The following DPP10 variants were observed in gnomAD, a reference collection of about 807,000 sequenced individuals.
DPP10 encodes the protein inactive dipeptidyl peptidase 10.
A neutral mutation model predicts 120.9 loss-of-function variants in DPP10; 33 were observed. The observed-to-expected ratio is 0.27, with a 90% CI of 0.21 to 0.37. The LOEUF (loss-of-function observed/expected upper bound fraction) is 0.37, where lower values mean the gene tolerates loss of function less well. DPP10 is among the 10% of genes least tolerant of loss of function. The pLI, the probability that DPP10 is intolerant of heterozygous loss-of-function variation, is 1.00. For synonymous variants in DPP10, 337 were observed against 326.1 expected, an observed-to-expected ratio of 1.03 and a Z score of -0.36; for missense variants, 816 against 942.8, an observed-to-expected ratio of 0.87 and a Z score of 1.76.
At chr2:114,597,080 C>G (rs1432878880) in intron 1 of DPP10, among the ~76,000 whole-genome samples, 1 of 151,966 alleles carries the variant, frequency 6.6e-6, no homozygotes, top group African/African-American at 2.4e-5. Flanking sequence ...AAAGGTGGCT[C>G]AGATCAGAGA....
At chr2:115,556,547 C>T (rs568625021) in intron 5 of DPP10, among the ~76,000 whole-genome samples, 1 of 152,088 alleles carries the variant, frequency 6.6e-6, no homozygotes, top group Admixed American at 6.6e-5. Context: ...TTGACAGCAA[C>T]ATCAGAATCC....
In DPP10 at chr2:115,385,641, A is replaced by G. The variant is rs2106511700; in HGVS notation, c.271+41729A>G. ...CAAAGTGCTGGGATTATAAGCATGA[A>G]CCACCACGCCCAGCCTGTTTAATCA... On this transcript the variant is annotated intron_variant, in intron 3 of 25. Coordinates refer to ENST00000410059, the MANE Select transcript of DPP10 (RefSeq NM_020868.6). 2.0e-5 allele frequency among the ~76,000 whole-genome samples: 3 copies of G among 152,222 alleles called. No individual in the cohort carries two copies. In the South Asian group the frequency reaches 6.2e-4, roughly 32 times the overall value.
At chr2:115,220,475 G>T (rs182009078) in intron 1 of DPP10, among the ~76,000 whole-genome samples, 1 of 152,264 alleles carries the variant, frequency 6.6e-6, no homozygotes, top group Admixed American at 6.5e-5. Context: ...GGTTTGGGAG[G>T]CTGAGGTGGG....
At chr2:115,798,296 T>C (rs1243877114) in intron 19 of DPP10, among the ~76,000 whole-genome samples, 3 of 152,012 alleles carry the variant, frequency 2.0e-5, no homozygotes, top group Non-Finnish European at 2.9e-5. Flanking sequence ...GTTATTTGTT[T>C]TTAAGAAAAA....
chr2:115,480,338 G>A (rs770521664), intron 3 of DPP10, among the ~76,000 whole-genome samples: 23 of 151,936 alleles, frequency 1.5e-4, no homozygotes, highest in Non-Finnish European at 2.6e-4. Flanking sequence ...TTAAGAAATG[G>A]CCCTTTCTTT....
At chr2:115,459,938 T>TATATATATATATATATAC (rs66927327) in intron 3 of DPP10, among the ~76,000 whole-genome samples, 9 of 128,524 alleles carry the variant, frequency 7.0e-5, no homozygotes, top group Non-Finnish European at 1.1e-4. Flanking sequence ...TATATATATA[T>TATATATATATATATATAC]ACACACACAC....
At chr2:115,174,303 G>A (rs192292038) in intron 1 of DPP10, among the ~76,000 whole-genome samples, 18 of 152,242 alleles carry the variant, frequency 1.2e-4, no homozygotes, top group African/African-American at 1.4e-4. Context: ...TGTGGTTCTC[G>A]TATAAGTATG....
intron 1 of DPP10, among the ~76,000 whole-genome samples, chr2:114,532,154 A>G (rs1210457065): frequency 6.6e-6 from 1 of 150,624 alleles, no homozygotes; most frequent in African/African-American, 2.5e-5. Flanking sequence ...ACTCAGACTG[A>G]GTTACACCAC....
chr2:115,750,791 A>G (rs1025931642), intron 10 of DPP10, among the ~76,000 whole-genome samples: 3 of 152,154 alleles, frequency 2.0e-5, no homozygotes, highest in Admixed American at 6.5e-5. Flanking sequence ...AAAATTTGGC[A>G]TCTTAGCTAA....
chr2:114,500,923 C>CTCAGAGGGCCACAGAAAAGGCCT (rs1683105597), intron 1 of DPP10, among the ~76,000 whole-genome samples: 1 of 152,154 alleles, frequency 6.6e-6, no homozygotes, highest in East Asian at 1.9e-4. Context: ...TGATGAATGC[C>CTCAGAGGGCCACAGAAAAGGCCT]TCAGAGCCGA....
At chr2:115,310,902 T>A (rs2061550268) in intron 2 of DPP10, among the ~76,000 whole-genome samples, 2 of 152,196 alleles carry the variant, frequency 1.3e-5, no homozygotes, top group South Asian at 4.1e-4. Context: ...TCATCCTGGT[T>A]CTAGCATCCT....
intron 1 of DPP10, among the ~76,000 whole-genome samples, chr2:114,478,451 A>G (rs1680710947): frequency 2.0e-5 from 3 of 152,130 alleles, no homozygotes; most frequent in African/African-American, 7.2e-5. Context: ...AAAACCTAAA[A>G]TTAACATCTT....
At chr2:114,562,234 A>G (rs904213490) in intron 1 of DPP10, among the ~76,000 whole-genome samples, 1 of 152,242 alleles carries the variant, frequency 6.6e-6, no homozygotes, top group Non-Finnish European at 1.5e-5. Flanking sequence ...CTATTTTGAG[A>G]GAATAAACCT....
chr2:115,832,129 G>C (rs1437542543), intron 21 of DPP10, among the ~76,000 whole-genome samples: 1 of 152,084 alleles, frequency 6.6e-6, no homozygotes, highest in Non-Finnish European at 1.5e-5. Flanking sequence ...AAACTCTTTT[G>C]TGATATACTA....
intron 1 of DPP10, among the ~76,000 whole-genome samples, chr2:115,195,686 T>G (rs1439027482): frequency 6.6e-6 from 1 of 152,214 alleles, no homozygotes; most frequent in African/African-American, 2.4e-5. Context: ...TTTGTTCATT[T>G]AGAAGTGGTA....
At chr2:114,685,187 C>T (rs1699282559) in intron 1 of DPP10, among the ~76,000 whole-genome samples, 1 of 151,692 alleles carries the variant, frequency 6.6e-6, no homozygotes, top group African/African-American at 2.4e-5. Context: ...AATATTATAC[C>T]AGGTTCCTTT....
At chr2:114,494,129 A>T (rs1682281108) in intron 1 of DPP10, among the ~76,000 whole-genome samples, 1 of 137,242 alleles carries the variant, frequency 7.3e-6, no homozygotes, top group African/African-American at 2.6e-5. Flanking sequence ...AAACCCAGCA[A>T]ATTGTCAATA....
intron 12 of DPP10, among the ~76,000 whole-genome samples, chr2:115,763,183 A>G (rs751107838): frequency 3.9e-5 from 6 of 152,148 alleles, no homozygotes; most frequent in Non-Finnish European, 5.9e-5. Context: ...TCTTAACTAC[A>G]TTAGTGAGTT....
At chr2:114,983,740 A>G (rs1301051977) in intron 1 of DPP10, among the ~76,000 whole-genome samples, 1 of 152,216 alleles carries the variant, frequency 6.6e-6, no homozygotes, top group Non-Finnish European at 1.5e-5. Context: ...TATAGAGCTC[A>G]CTACAAGTCA....
Sources: allele counts gnomAD v4.1 joint callset (sites outside exome capture counted in the v4.1 genomes callset), GRCh38; gene constraint gnomAD v4.1.1; transcripts MANE v1.5; gene names NCBI Gene and HGNC (gene_info 2026-07-23, HGNC 2026-07-21).